Variants in PDSS2 observed in about 807,000 individuals in gnomAD.
The protein encoded by PDSS2 is decaprenyl diphosphate synthase subunit 2, also known as all trans-polyprenyl-diphosphate synthase PDSS2.
In PDSS2, 31 loss-of-function variants were observed where a neutral mutation model predicts 44.5. The observed-to-expected ratio is 0.70, with a 90% CI of 0.52 to 0.94. The LOEUF (loss-of-function observed/expected upper bound fraction) is 0.94. Among genes scored for constraint, PDSS2 ranks in the 40% least tolerant of loss-of-function variants. The pLI, the probability that PDSS2 is intolerant of heterozygous loss-of-function variation, is 0.00. For missense variants in PDSS2, 452 were observed against 482.2 expected, an observed-to-expected ratio of 0.94 and a Z score of 0.59; for synonymous variants, 157 against 180.3, an observed-to-expected ratio of 0.87 and a Z score of 1.03.
intron 1 of PDSS2, among the ~76,000 whole-genome samples, chr6:107,420,799 T>A (rs1355680136): frequency 1.3e-5 from 2 of 148,592 alleles, no homozygotes; most frequent in African/African-American, 2.5e-5. Flanking sequence ...TTCTCAGACA[T>A]CACATCAAAA....
intron 3 of PDSS2, among the ~76,000 whole-genome samples, chr6:107,253,137 G>A (rs1317244450): frequency 6.6e-6 from 1 of 152,244 alleles, no homozygotes; most frequent in African/African-American, 2.4e-5. Context: ...CCGGGTTTCA[G>A]CAATTCTCCT....
At chr6:107,438,499 G>A (rs1781423160) in intron 1 of PDSS2, among the ~76,000 whole-genome samples, 2 of 152,154 alleles carry the variant, frequency 1.3e-5, no homozygotes. Flanking sequence ...ACAGGTGTGA[G>A]CCACCATGCC....
intron 4 of PDSS2, among the ~76,000 whole-genome samples, chr6:107,233,988 G>A (rs181900335): frequency 6.6e-6 from 1 of 152,220 alleles, no homozygotes; most frequent in African/African-American, 2.4e-5. Context: ...GCAACATAGG[G>A]AGATTCTGTC....
chr6:107,263,816 G>A (rs1345169309), intron 3 of PDSS2, among the ~76,000 whole-genome samples: 1 of 152,050 alleles, frequency 6.6e-6, no homozygotes, highest in Non-Finnish European at 1.5e-5. Flanking sequence ...GCTAATTTTG[G>A]GATTCTGAAA....
chr6:107,198,727 G>A (rs773207673), intron 6 of PDSS2, among the ~76,000 whole-genome samples: 5 of 152,046 alleles, frequency 3.3e-5, no homozygotes, highest in East Asian at 1.9e-4. Context: ...AGACCAAGGC[G>A]GGCAGATCAC....
intron 1 of PDSS2, among the ~76,000 whole-genome samples, chr6:107,458,169 G>T (rs1283097243): frequency 1.3e-5 from 2 of 151,304 alleles, no homozygotes; most frequent in Non-Finnish European, 2.9e-5. Context: ...CAATTCAGGT[G>T]TGGGGTTTAA....
chr6:107,414,292 T>G (rs1780594239), intron 1 of PDSS2, among the ~76,000 whole-genome samples: 1 of 152,018 alleles, frequency 6.6e-6, no homozygotes, highest in African/African-American at 2.4e-5. Flanking sequence ...TAAAATGGAG[T>G]TCAAACACAC....
At chr6:107,260,852 T>TG (rs1775194158) in intron 3 of PDSS2, among the ~76,000 whole-genome samples, 1 of 151,814 alleles carries the variant, frequency 6.6e-6, no homozygotes, top group Non-Finnish European at 1.5e-5. Context: ...TTAGTAGAGA[T>TG]GGGGTTTCAC....
intron 7 of PDSS2, 96 bp downstream of exon 7, chr6:107,193,726 A>G (rs773346551): frequency 2.2e-5 from 18 of 809,510 alleles, no homozygotes; most frequent in Non-Finnish European, 3.6e-5. Flanking sequence ...TCAGCTCTCA[A>G]TGTGATCATT....
intron 7 of PDSS2, among the ~76,000 whole-genome samples, chr6:107,155,877 CTTTTTTTTTTTTTTTT>C (rs60840656): frequency 1.4e-4 from 7 of 51,636 alleles, no homozygotes; most frequent in Admixed American, 2.7e-4. Context: ...CTTGCCCGGC[CTTTTTTTTTTTTTTTT>C]TTTTTTTTTT....
Position 107,392,606 on chromosome 6 carries a change from T to C in PDSS2, c.297-58274A>G, listed in dbSNP as rs141671227. Among the ~76,000 whole-genome samples, 26 of 152,340 alleles carry C rather than the reference T, an allele frequency of 1.7e-4. No homozygotes were observed. In the East Asian group the frequency reaches 4.8e-3, roughly 28 times the overall value. ...TCACAGCATCTGAACTTTTAATGCATAAACCATGTCAAATAATTTTTCATA... is the reference window on the plus strand; with the variant it reads ...TCACAGCATCTGAACTTTTAATGCACAAACCATGTCAAATAATTTTTCATA... On this transcript the variant is annotated intron_variant, in intron 1 of 7. Coordinates refer to ENST00000369037, the MANE Select transcript of PDSS2 (RefSeq NM_020381.4).
chr6:107,198,650 C>T (rs980087703), intron 6 of PDSS2, among the ~76,000 whole-genome samples: 3 of 152,032 alleles, frequency 2.0e-5, no homozygotes, highest in Admixed American at 2.0e-4. Context: ...TCACAAAAAG[C>T]TTTAGAGCTT....
At chr6:107,314,816 T>C (rs1777152694) in intron 2 of PDSS2, among the ~76,000 whole-genome samples, 1 of 152,224 alleles carries the variant, frequency 6.6e-6, no homozygotes, top group African/African-American at 2.4e-5. Context: ...AGAACCATTA[T>C]CTAACACAGC....
chr6:107,154,865 A>G, intron 7 of PDSS2, 88 bp from the exon 8 acceptor site: 3 of 1,123,642 alleles, frequency 2.7e-6, no homozygotes, highest in Non-Finnish European at 4.0e-6. Flanking sequence ...GATGGAAAAC[A>G]AAGAAAGGGA....
At chr6:107,193,592 C>G (rs150900203) in intron 7 of PDSS2, among the ~76,000 whole-genome samples, 1 of 151,938 alleles carries the variant, frequency 6.6e-6, no homozygotes, top group Non-Finnish European at 1.5e-5. Context: ...TCTAGTTGAC[C>G]GTTGTATTCT....
intron 2 of PDSS2, among the ~76,000 whole-genome samples, chr6:107,303,697 A>G (rs897726628): frequency 2.0e-5 from 3 of 152,184 alleles, no homozygotes; most frequent in Admixed American, 6.5e-5. Context: ...TGGATGTACC[A>G]CAATATTCTC....
At chr6:107,227,826 G>A (rs1773886256) in intron 4 of PDSS2, among the ~76,000 whole-genome samples, 1 of 152,184 alleles carries the variant, frequency 6.6e-6, no homozygotes, top group Non-Finnish European at 1.5e-5. Flanking sequence ...TCATATATGT[G>A]GTCTTAGATG....
intron 4 of PDSS2, 130 bp downstream of exon 4, chr6:107,245,418 C>CAAAAAAAAAAA (rs35614951): frequency 3.5e-5 from 4 of 115,910 alleles, no homozygotes; most frequent in Admixed American, 1.8e-4. Context: ...AAACACTAAT[C>CAAAAAAAAAAA]AAAAAAAAAA....
At chr6:107,385,454 A>G (rs1779583050) in intron 1 of PDSS2, among the ~76,000 whole-genome samples, 1 of 152,230 alleles carries the variant, frequency 6.6e-6, no homozygotes, top group Admixed American at 6.5e-5. Flanking sequence ...ATACCAATTG[A>G]CTACATACAG....
Sources: allele counts gnomAD v4.1 joint callset (sites outside exome capture counted in the v4.1 genomes callset), GRCh38; gene constraint gnomAD v4.1.1; transcripts MANE v1.5; gene names NCBI Gene and HGNC (gene_info 2026-07-23, HGNC 2026-07-21).